Variants in IWS1 observed in about 807,000 individuals in gnomAD.
The protein encoded by IWS1 is interacts with SUPT6H, CTD assembly factor 1.
IWS1 carries 27 observed loss-of-function variants against 86.7 expected under a neutral mutation model. The ratio of observed to expected loss-of-function variants is 0.31; its 90% CI spans 0.23 to 0.43. The LOEUF (loss-of-function observed/expected upper bound fraction) is 0.43, where lower values mean the gene tolerates loss of function less well. Among genes scored for constraint, IWS1 ranks in the 20% least tolerant of loss-of-function variants. IWS1 has a pLI of 1.00. For synonymous variants in IWS1, 313 were observed against 335.1 expected, an observed-to-expected ratio of 0.93 and a Z score of 0.72; for missense variants, 827 against 1,000.8, an observed-to-expected ratio of 0.83 and a Z score of 2.34.
rs181890233 is a variant in IWS1, at chr2:127,499,701, A to G, written c.1468-1464T>C. The stretch of plus-strand genomic sequence containing the variant: ...TCACTATTGTCCTGAATTAGATTCT[A>G]AATTCATCTACCTTCACTCTCTATT... On this transcript the variant is annotated intron_variant, in intron 5 of 13. Coordinates refer to ENST00000295321, the MANE Select transcript of IWS1 (RefSeq NM_017969.3). This position sits in a 1 kb window ranked among gnomAD's most constrained non-coding sequence, Gnocchi z 4.0. Among the ~76,000 whole-genome samples the G allele has an allele frequency of 2.0e-5, 3 of 152,250 alleles. No individual in the cohort carries two copies. Among genetic ancestry groups the G allele is most frequent in the Non-Finnish European group, 2.9e-5 (2 of 67,998 alleles).
chr2:127,519,198 A>G (rs1416919414), intron 2 of IWS1, among the ~76,000 whole-genome samples: 1 of 152,230 alleles, frequency 6.6e-6, no homozygotes, highest in Non-Finnish European at 1.5e-5. Flanking sequence ...CATCAATGAC[A>G]GATGGACAGA....
chr2:127,518,411 G>A lies in IWS1; in HGVS notation c.150+5265C>T, dbSNP rs115558118. ...CATGCCTGTGGTCTCAGCTACTTGG[G>A]AGGCTGAGGTCTGGATCACTTAAGC... On this transcript the variant is annotated intron_variant, in intron 2 of 13. Coordinates refer to ENST00000295321, the MANE Select transcript of IWS1 (RefSeq NM_017969.3). Among the ~76,000 whole-genome samples, 712 of 152,244 alleles carry A rather than the reference G, an allele frequency of 4.7e-3. 9 individuals carry two copies. Among genetic ancestry groups the A allele is most frequent in the African/African-American group, 0.016 (679 of 41,544 alleles).
Position 127,526,381 on chromosome 2 carries a change from A to C in IWS1, c.-173T>G. The C allele has an allele frequency of 6.5e-7, 1 of 1,536,210 alleles. No individual in the cohort carries two copies. Among genetic ancestry groups the C allele is most frequent in the Non-Finnish European group, 8.7e-7 (1 of 1,146,268 alleles). ...GGTAGCGGCAAAGGCGAATTCTTTG[A>C]CCTGGAAGCCCCGGCGGAAAAGGCC... is the stretch of plus-strand genomic sequence containing the variant. On this transcript the variant is annotated 5_prime_UTR_variant, in exon 1 of 14. Transcript: ENST00000295321.
rs200291726 is a variant in IWS1 at position 127,503,422 on chromosome 2, C to T, written c.1374G>A (p.Leu458=). 1.2e-6 allele frequency: 2 copies of T among 1,613,062 alleles called. No homozygotes were observed. The highest frequency in any genetic ancestry group is 1.7e-5 in the Admixed American group (1 of 59,976). The stretch of plus-strand genomic sequence containing the variant: ...TGCCTGACTCACTGTCACTCCCAAA[C>T]AGATCCTTCTCTTCATTTTTCTTAT... ...LSDKKNEEKD[L]FGSDSESGNE... The change falls in exon 4 of 14, where the codon CTG becomes CTA. Residue 458 remains leucine, a synonymous_variant. Transcript: ENST00000295321.
At chr2:127,492,778 A>G (rs2104670046) in intron 9 of IWS1, 1 of 152,578 alleles carries the variant, frequency 6.6e-6, no homozygotes, top group East Asian at 1.9e-4. Context: ...TAATTCCCTC[A>G]TCTGTAAAAT....
intron 2 of IWS1, among the ~76,000 whole-genome samples, chr2:127,508,836 C>T (rs1424505923): frequency 6.6e-6 from 1 of 152,226 alleles, no homozygotes; most frequent in African/African-American, 2.4e-5. Context: ...TCAGTTACAG[C>T]TGGATCGGGG....
At chr2:127,496,971 A>G (rs1041943664) in intron 6 of IWS1, among the ~76,000 whole-genome samples, 42 of 152,216 alleles carry the variant, frequency 2.8e-4, no homozygotes, top group Non-Finnish European at 1.8e-4. Flanking sequence ...AACATGCTGC[A>G]CAGGTTTGTA....
At chr2:127,492,800 A>G (rs2104670088) in intron 9 of IWS1, 1 of 152,534 alleles carries the variant, frequency 6.6e-6, no homozygotes, top group Non-Finnish European at 1.5e-5. Flanking sequence ...GAAATAATAC[A>G]CCTACCTTCT....
At chr2:127,498,265 T>TA in intron 5 of IWS1, 28 bp from the exon 6 acceptor site, 1 of 1,597,380 alleles carries the variant, frequency 6.3e-7, no homozygotes, top group East Asian at 2.2e-5. Context: ...ACAACCTCCT[T>TA]ACAGATTTTC....
At chr2:127,496,870 G>A (rs553992646) in intron 6 of IWS1, among the ~76,000 whole-genome samples, 3 of 152,220 alleles carry the variant, frequency 2.0e-5, no homozygotes, top group South Asian at 4.1e-4. Context: ...AAGCCACCAC[G>A]TCCAACTATA....
intron 2 of IWS1, among the ~76,000 whole-genome samples, chr2:127,520,656 A>T (rs1436773056): frequency 6.6e-6 from 1 of 152,238 alleles, no homozygotes; most frequent in Non-Finnish European, 1.5e-5. Context: ...TTAGCAAATT[A>T]CCATAACCTT....
chr2:127,499,183 C>T lies in IWS1; in HGVS notation c.1468-946G>A, dbSNP rs762688523. Among the ~76,000 whole-genome samples, 4 of 151,970 alleles carry T rather than the reference C, an allele frequency of 2.6e-5. No homozygotes were observed. Among genetic ancestry groups the T allele is most frequent in the South Asian group, 2.1e-4 (1 of 4,806 alleles). On this transcript the variant is annotated intron_variant, in intron 5 of 13. Transcript: ENST00000295321. This position sits in a 1 kb window ranked among gnomAD's most constrained non-coding sequence, Gnocchi z 4.0. The stretch of plus-strand genomic sequence containing the variant: ...TCGGCTCACTGCAAGCTCCACCTCC[C>T]GGGTTCATGCCATTCTCCTGCCTCA...
intron 3 of IWS1, 71 bp downstream of exon 3, chr2:127,504,613 A>G: frequency 1.9e-6 from 2 of 1,064,264 alleles, no homozygotes; most frequent in Non-Finnish European, 2.8e-6. Context: ...CCAAGAGGAT[A>G]CAATGTTCCA....
At chr2:127,484,707 G>T (rs1419216318) in intron 13 of IWS1, 1 of 149,360 alleles carries the variant, frequency 6.7e-6, no homozygotes, top group African/African-American at 2.6e-5. Flanking sequence ...CGGCTAAAAA[G>T]AGAGAAGAAA....
At position 127,494,975 on chromosome 2, in the gene IWS1, G is replaced by C. The variant is rs551248666; in HGVS notation, c.1717-21C>G. ...TCTTCCTATTCAGAAAAAAAATAAAGATTTTTTTTTAAAACAGTACTTTTT... is the reference window on the plus strand; with the variant it reads ...TCTTCCTATTCAGAAAAAAAATAAACATTTTTTTTTAAAACAGTACTTTTT... On this transcript the variant is annotated intron_variant, in intron 7 of 13. Coordinates refer to ENST00000295321, the MANE Select transcript of IWS1 (RefSeq NM_017969.3). 5 of 1,466,048 alleles carry C rather than the reference G, an allele frequency of 3.4e-6. No homozygotes were observed. In the South Asian group the frequency reaches 3.8e-5, roughly 11 times the overall value. 90.8% of individuals were successfully genotyped at this position (1,466,048 alleles called of 1,614,324 possible). A position where few individuals can be genotyped will look rare whatever the true frequency, so the allele number is the denominator to read the frequency against.
chr2:127,520,641 G>C lies in IWS1; in HGVS notation c.150+3035C>G, dbSNP rs564787519. On this transcript the variant is annotated intron_variant, in intron 2 of 13. Transcript: ENST00000295321. ...TACAACTGGCACTCTTGAAGTACTAGTGGTTTAGCAAATTACCATAACCTT... is the reference window on the plus strand; with the variant it reads ...TACAACTGGCACTCTTGAAGTACTACTGGTTTAGCAAATTACCATAACCTT... Among the ~76,000 whole-genome samples, 4 of 152,324 alleles carry C rather than the reference G, an allele frequency of 2.6e-5. No homozygotes were observed. In the South Asian group the frequency reaches 8.3e-4, roughly 32 times the overall value.
intron 13 of IWS1, among the ~76,000 whole-genome samples, chr2:127,485,101 AGAG>A (rs560023388): frequency 6.6e-6 from 1 of 152,188 alleles, no homozygotes; most frequent in Non-Finnish European, 1.5e-5. Context: ...GGCACAAGAA[AGAG>A]GAGGGAGAGA....
rs537242071 is a variant in IWS1 at position 127,501,154 on chromosome 2, T to C, written c.1467+1661A>G. Among the ~76,000 whole-genome samples the C allele has an allele frequency of 3.3e-5, 5 of 152,294 alleles. No homozygotes were observed. The South Asian group carries it at 1.0e-3, about 32-fold the overall frequency. ...CCATCTGAGATCATTCTTTCTTGCA[T>C]TTCTTTCCTTCTGTATTTCCTTCAG... On this transcript the variant is annotated intron_variant, in intron 5 of 13. Transcript: ENST00000295321.
chr2:127,526,279 A>G lies in IWS1; in HGVS notation c.-71T>C. 1 of 1,546,104 alleles carries G rather than the reference A, an allele frequency of 6.5e-7. No homozygotes were observed. Reference sequence around the variant, plus strand: ...CCGTCACCTCCTTCCAGGCGGTGTGACCCCGGATGGCGCGGCTAAGTGTTC... The same window carrying G: ...CCGTCACCTCCTTCCAGGCGGTGTGGCCCCGGATGGCGCGGCTAAGTGTTC... On this transcript the variant is annotated 5_prime_UTR_variant, in exon 1 of 14. Transcript: ENST00000295321.
Sources: allele counts gnomAD v4.1 joint callset (sites outside exome capture counted in the v4.1 genomes callset), GRCh38; gene constraint gnomAD v4.1.1; non-coding constraint Gnocchi (gnomAD v3.1); transcripts MANE v1.5; gene names NCBI Gene and HGNC (gene_info 2026-07-23, HGNC 2026-07-21).